FAM171A1: variants seen among roughly 807,000 people sequenced by gnomAD.
FAM171A1 encodes the protein family with sequence similarity 171 member A1.
FAM171A1 carries 23 observed loss-of-function variants against 74.9 expected under a neutral mutation model. That is an observed-to-expected ratio of 0.31 (90% CI 0.22 to 0.44). The LOEUF (loss-of-function observed/expected upper bound fraction) is 0.44. Ranked by LOEUF, FAM171A1 falls within the 20% of genes least tolerant of loss-of-function variation. The probability of loss-of-function intolerance (pLI) is 1.00; values close to 1 mark genes in which losing one functional copy is unlikely to be tolerated. For missense variants in FAM171A1, 1,162 were observed against 1,159.2 expected (o/e 1.00, Z -0.03); for synonymous variants, 527 against 505.7 (o/e 1.04, Z -0.57).
chr10:15,266,216 ACC>A (rs1385784704), intron 3 of FAM171A1, among the ~76,000 whole-genome samples: 2 of 152,036 alleles, frequency 1.3e-5, no homozygotes, highest in Non-Finnish European at 2.9e-5. Context: ...GCTATTCTCA[ACC>A]CCTGCTGGGT....
At chr10:15,288,694 A>C (rs1835067126) in intron 1 of FAM171A1, among the ~76,000 whole-genome samples, 1 of 151,970 alleles carries the variant, frequency 6.6e-6, no homozygotes, top group Non-Finnish European at 1.5e-5. Context: ...TACCACTTGA[A>C]TTTCTTCTAA....
At chr10:15,329,145 C>T (rs1025087296) in intron 1 of FAM171A1, among the ~76,000 whole-genome samples, 6 of 152,194 alleles carry the variant, frequency 3.9e-5, no homozygotes, top group Admixed American at 3.3e-4. Flanking sequence ...ACTATGTGAA[C>T]AGCCAAGTAC....
intron 1 of FAM171A1, among the ~76,000 whole-genome samples, chr10:15,356,330 G>T (rs1425479180): frequency 6.6e-6 from 1 of 151,842 alleles, no homozygotes; most frequent in African/African-American, 2.4e-5. Context: ...AGAAGCAAGA[G>T]AAAATTTCTC....
intron 1 of FAM171A1, among the ~76,000 whole-genome samples, chr10:15,363,234 A>C (rs1214824564): frequency 2.0e-5 from 3 of 152,370 alleles, no homozygotes; most frequent in Non-Finnish European, 4.4e-5. Flanking sequence ...TCCAGGCTTC[A>C]CACTTCGGGC....
chr10:15,363,364 C>T (rs1188797278), intron 1 of FAM171A1, among the ~76,000 whole-genome samples: 3 of 152,102 alleles, frequency 2.0e-5, no homozygotes, highest in African/African-American at 4.8e-5. Context: ...GAGATGAAGA[C>T]GATGCTGTCT....
chr10:15,320,129 C>T (rs1348171676), intron 1 of FAM171A1, among the ~76,000 whole-genome samples: 1 of 152,096 alleles, frequency 6.6e-6, no homozygotes, highest in Admixed American at 6.5e-5. Flanking sequence ...CTCCTCCCAC[C>T]CTCCACTCTC....
intron 5 of FAM171A1, among the ~76,000 whole-genome samples, chr10:15,223,046 T>A (rs1260503296): frequency 6.6e-6 from 1 of 152,106 alleles, no homozygotes; most frequent in African/African-American, 2.4e-5. Flanking sequence ...GTTTGACATA[T>A]TGAGGAAAAA....
At chr10:15,365,397 C>T (rs1001002282) in intron 1 of FAM171A1, among the ~76,000 whole-genome samples, 18 of 152,232 alleles carry the variant, frequency 1.2e-4, no homozygotes, top group African/African-American at 3.9e-4. Context: ...ACTAAAGATG[C>T]GAGAGCCTGA....
intron 1 of FAM171A1, among the ~76,000 whole-genome samples, chr10:15,330,939 G>T (rs1835622999): frequency 6.6e-6 from 1 of 151,796 alleles, no homozygotes; most frequent in Non-Finnish European, 1.5e-5. Context: ...GCCCAGGCTG[G>T]AGTGTAGTGG....
chr10:15,288,813 C>CTT (rs71505064), intron 1 of FAM171A1, among the ~76,000 whole-genome samples: 1,358 of 73,642 alleles, frequency 0.018, 309 homozygotes, highest in East Asian at 0.084. Context: ...TTCGGTAATT[C>CTT]TTTTTTTTTT....
intron 1 of FAM171A1, among the ~76,000 whole-genome samples, chr10:15,331,832 T>C (rs1045328371): frequency 7.9e-6 from 1 of 127,316 alleles, no homozygotes; most frequent in Non-Finnish European, 1.7e-5. Context: ...TATATGTGTG[T>C]ATATATATGT....
rs1290012604 is a variant in FAM171A1, at chr10:15,213,437, G to A, written c.2151C>T (p.Asn717=). The change falls in exon 8 of 8, where the codon AAC becomes AAT. Residue 717 remains asparagine (N), a synonymous_variant. Coordinates refer to ENST00000378116, the MANE Select transcript of FAM171A1 (RefSeq NM_001010924.2). This position sits in a 1 kb window ranked among gnomAD's most constrained non-coding sequence, Gnocchi z 6.8. ...CAATGTATGAATGTCTAACGTGAGC[G>A]TTGGACCTGCCATCCAAGGAGACGA... The part of the protein sequence containing the change: ...AWFVSLDGRS[N]AHVRHSYIDL... 1.9e-6 allele frequency: 3 copies of A among 1,614,048 alleles called. No individual in the cohort carries two copies. Among genetic ancestry groups the A allele is most frequent in the South Asian group, 1.1e-5 (1 of 91,082 alleles).
intron 5 of FAM171A1, among the ~76,000 whole-genome samples, chr10:15,240,372 C>CAG (rs75817105): frequency 6.6e-6 from 1 of 151,884 alleles, no homozygotes; most frequent in Non-Finnish European, 1.5e-5. Context: ...CACACACACA[C>CAG]ATAAAATTAT....
upstream of FAM171A1, among the ~76,000 whole-genome samples, chr10:15,372,394 C>T (rs986873024): frequency 4.6e-5 from 7 of 152,070 alleles, no homozygotes; most frequent in Admixed American, 4.6e-4. Flanking sequence ...TGAAACTCTT[C>T]ACAAAAACCT....
intron 2 of FAM171A1, 75 bp downstream of exon 2, chr10:15,283,803 T>G: frequency 6.8e-7 from 1 of 1,468,690 alleles, no homozygotes; most frequent in Admixed American, 1.8e-5. Flanking sequence ...CAAGCTGGTT[T>G]CAGACTCCTG....
rs1833909891 is a variant in FAM171A1 at position 15,212,936 on chromosome 10, C to G, written c.2652G>C (p.Leu884=). 6.2e-6 allele frequency: 10 copies of G among 1,614,070 alleles called. No individual in the cohort carries two copies. The highest frequency in any genetic ancestry group is 8.5e-6 in the Non-Finnish European group (10 of 1,180,012). Residue 884 remains leucine (L), a synonymous_variant, in exon 8 of 8, where the codon CTG becomes CTC. Transcript: ENST00000378116. ...SPWQKREERP[L]MAFNIK is the part of the protein sequence containing the mutation. ...TAGCTCATTTAATGTTAAACGCCATCAGGGGCCTCTCCTCCCGTTTCTGCC... is the reference window on the plus strand; with the variant it reads ...TAGCTCATTTAATGTTAAACGCCATGAGGGGCCTCTCCTCCCGTTTCTGCC...
At chr10:15,331,909 A>C (rs1835643192) in intron 1 of FAM171A1, among the ~76,000 whole-genome samples, 1 of 143,206 alleles carries the variant, frequency 7.0e-6, no homozygotes, top group Non-Finnish European at 1.5e-5. Context: ...AACAATTAAG[A>C]TTCAAGACCT....
intron 1 of FAM171A1, among the ~76,000 whole-genome samples, chr10:15,295,478 T>C (rs563468405): frequency 2.2e-4 from 34 of 152,182 alleles, no homozygotes; most frequent in Non-Finnish European, 4.4e-4. Context: ...ACTCTGGCCC[T>C]ATCTTAAAAG....
chr10:15,311,955 C>T (rs1383743546), intron 1 of FAM171A1, among the ~76,000 whole-genome samples: 1 of 152,156 alleles, frequency 6.6e-6, no homozygotes, highest in African/African-American at 2.4e-5. Context: ...ACGTACATTA[C>T]GTGATTATTT....
Sources: gnomAD v4.1 joint callset for allele counts (sites outside exome capture counted in the v4.1 genomes callset) on GRCh38, gnomAD v4.1.1 for gene constraint, Gnocchi (gnomAD v3.1) non-coding constraint, MANE v1.5 for transcripts, NCBI Gene and HGNC (gene_info 2026-07-23, HGNC 2026-07-21) for gene names.